HEATR5A: variants seen among roughly 807,000 people sequenced by gnomAD.
The protein encoded by HEATR5A is HEAT repeat-containing protein 5A.
A neutral mutation model predicts 218.8 loss-of-function variants in HEATR5A; 178 were observed. The ratio of observed to expected loss-of-function variants is 0.81; its 90% confidence interval spans 0.72 to 0.92. The LOEUF (loss-of-function observed/expected upper bound fraction) is 0.92. Among genes scored for constraint, HEATR5A ranks in the 40% least tolerant of loss-of-function variants. HEATR5A has a pLI of 0.00. For missense variants in HEATR5A, 2,420 were observed against 2,418.9 expected (o/e 1.00, Z -0.01); for synonymous variants, 864 against 871.6 (o/e 0.99, Z 0.15).
At position 31,343,881 on chromosome 14, in the gene HEATR5A, C is replaced by T. The variant is rs1349571764; in HGVS notation, c.3228+15G>A. On this transcript the variant is annotated intron_variant, in intron 21 of 35. Transcript: ENST00000543095. Reference sequence around the variant, plus strand: ...ATAAAAGAAACTAAGAGCTCGTTTACAATTCTATACTCACACAGAGGCAGC... The same window carrying T: ...ATAAAAGAAACTAAGAGCTCGTTTATAATTCTATACTCACACAGAGGCAGC... 2.6e-6 allele frequency: 4 copies of T among 1,547,690 alleles called. No individual in the cohort carries two copies. Among genetic ancestry groups the T allele is most frequent in the Admixed American group, 2.2e-5 (1 of 45,682 alleles).
rs780420745 is a variant in HEATR5A, at chr14:31,371,855, T to C, written c.1916A>G (p.Gln639Arg). 7.7e-5 allele frequency: 119 copies of C among 1,554,202 alleles called. No individual in the cohort carries two copies. Among genetic ancestry groups the C allele is most frequent in the Non-Finnish European group, 9.1e-5 (104 of 1,148,018 alleles). Residue 639 changes from glutamine (Q) to arginine (R), a missense_variant, in exon 13 of 36, where the codon CAG (glutamine) becomes CGG (arginine). Transcript: ENST00000543095. ...CGDLLTEEVT[Q>R]RLLPPLPCAV... is the part of the protein sequence containing the mutation. The stretch of plus-strand genomic sequence containing the variant: ...ACAAGGAAGTGGTGGAAGAAGACGC[T>C]GAGTTACTTCCTCAGTAAGAAGATC...
chr14:31,365,866 T>C (rs1901785132), intron 13 of HEATR5A, among the ~76,000 whole-genome samples: 1 of 151,746 alleles, frequency 6.6e-6, no homozygotes, highest in African/African-American at 2.4e-5. Flanking sequence ...GGTTTCACCA[T>C]GTTGCCCAGG....
intron 4 of HEATR5A, among the ~76,000 whole-genome samples, chr14:31,398,275 G>A (rs144302441): frequency 6.6e-6 from 1 of 152,236 alleles, no homozygotes; most frequent in African/African-American, 2.4e-5. Context: ...ACCTTCTGAT[G>A]CTAGTACAGT....
chr14:31,366,400 T>G (rs1901805136), intron 13 of HEATR5A, among the ~76,000 whole-genome samples: 1 of 152,206 alleles, frequency 6.6e-6, no homozygotes, highest in South Asian at 2.1e-4. Flanking sequence ...CAAAAAGTCT[T>G]TCAATCATAT....
intron 17 of HEATR5A, among the ~76,000 whole-genome samples, 169 bp from the exon 18 acceptor site, chr14:31,350,148 T>C (rs187733452): frequency 3.3e-5 from 5 of 152,176 alleles, no homozygotes; most frequent in Non-Finnish European, 7.4e-5. Context: ...ATAATTTCAT[T>C]TTTTTTTACA....
intron 12 of HEATR5A, among the ~76,000 whole-genome samples, chr14:31,374,379 G>A (rs1382266369): frequency 2.0e-5 from 3 of 151,128 alleles, no homozygotes; most frequent in Admixed American, 2.0e-4. Flanking sequence ...TAGGATATTA[G>A]ATACATTTTT....
intron 16 of HEATR5A, 37 bp downstream of exon 16, chr14:31,358,600 T>C: frequency 6.4e-7 from 1 of 1,555,988 alleles, no homozygotes. Flanking sequence ...CCACCAGTTC[T>C]CTATTATCCA....
At chr14:31,391,428 T>C (rs536248618) in intron 6 of HEATR5A, among the ~76,000 whole-genome samples, 4 of 152,182 alleles carry the variant, frequency 2.6e-5, no homozygotes, top group African/African-American at 4.8e-5. Flanking sequence ...CATGAGCCAC[T>C]GCACCTGGCC....
intron 16 of HEATR5A, among the ~76,000 whole-genome samples, chr14:31,355,189 A>C (rs1487363044): frequency 1.8e-5 from 1 of 56,026 alleles, no homozygotes; most frequent in Non-Finnish European, 5.5e-5. Flanking sequence ...TGACGGGGGC[A>C]GATCACCTGA....
intron 25 of HEATR5A, among the ~76,000 whole-genome samples, chr14:31,321,249 C>T (rs1377195120): frequency 6.6e-6 from 1 of 152,044 alleles, no homozygotes; most frequent in Non-Finnish European, 1.5e-5. Flanking sequence ...ACCTCCGTCT[C>T]CCAGGCTCAA....
intron 16 of HEATR5A, among the ~76,000 whole-genome samples, chr14:31,353,436 T>C (rs972535850): frequency 2.0e-5 from 3 of 152,224 alleles, no homozygotes; most frequent in African/African-American, 7.2e-5. Context: ...AATAACATGC[T>C]AAGTATCTTG....
At chr14:31,355,124 C>G (rs1901374864) in intron 16 of HEATR5A, among the ~76,000 whole-genome samples, 1 of 152,164 alleles carries the variant, frequency 6.6e-6, no homozygotes, top group African/African-American at 2.4e-5. Flanking sequence ...AAAGCAACCA[C>G]AAACGCAGGC....
intron 1 of HEATR5A, among the ~76,000 whole-genome samples, chr14:31,406,961 G>A (rs1393975354): frequency 9.2e-6 from 1 of 108,966 alleles, no homozygotes; most frequent in Non-Finnish European, 1.8e-5. Flanking sequence ...TGTGTGACAA[G>A]AGTGAACCTC....
chr14:31,326,369 A>G (rs536365031), intron 22 of HEATR5A, 27 bp from the exon 23 acceptor site: 1 of 1,558,334 alleles, frequency 6.4e-7, no homozygotes, highest in Non-Finnish European at 8.7e-7. Flanking sequence ...CAATTATCTA[A>G]GTAATACAGA....
rs562325853 is a variant in HEATR5A, at chr14:31,391,649, C to T, written c.772+2403G>A. Among the ~76,000 whole-genome samples, 15 of 152,264 alleles carry T rather than the reference C, an allele frequency of 9.9e-5. 1 individual carries two copies. The South Asian group carries it at 2.3e-3, about 23-fold the overall frequency. ...TAGGCTTTCACATTCACTCGCCACT[C>T]GCTGATTCACCCAGAACAACTTCCA... On this transcript the variant is annotated intron_variant, in intron 6 of 35. Transcript: ENST00000543095.
At chr14:31,336,180 T>C (rs771296228) in intron 22 of HEATR5A, among the ~76,000 whole-genome samples, 1 of 140,704 alleles carries the variant, frequency 7.1e-6, no homozygotes, top group Non-Finnish European at 1.5e-5. Flanking sequence ...GGTCATGCCA[T>C]ATTGCGCAGG....
chr14:31,394,898 T>C (rs1006285658), intron 5 of HEATR5A, among the ~76,000 whole-genome samples: 1 of 152,138 alleles, frequency 6.6e-6, no homozygotes, highest in Non-Finnish European at 1.5e-5. Context: ...AAAATCACTT[T>C]GAAACAACAT....
intron 22 of HEATR5A, among the ~76,000 whole-genome samples, chr14:31,329,770 T>C (rs963366312): frequency 6.6e-6 from 1 of 152,226 alleles, no homozygotes; most frequent in Non-Finnish European, 1.5e-5. Context: ...TAGAGTGCAA[T>C]GGCATGGTCT....
At chr14:31,338,826 TAAG>T (rs1900746551) in intron 21 of HEATR5A, among the ~76,000 whole-genome samples, 1 of 151,996 alleles carries the variant, frequency 6.6e-6, no homozygotes, top group African/African-American at 2.4e-5. Flanking sequence ...TAAGAATATA[TAAG>T]AAGAGTGTCA....
Sources: gnomAD v4.1 joint callset for allele counts (sites outside exome capture counted in the v4.1 genomes callset) on GRCh38, gnomAD v4.1.1 for gene constraint, MANE v1.5 for transcripts, NCBI Gene and HGNC (gene_info 2026-07-23, HGNC 2026-07-21) for gene names.